The following CCR3 variants were observed in gnomAD, a reference collection of about 807,000 sequenced individuals.
CCR3 encodes C-C motif chemokine receptor 3, also known as C-C chemokine receptor type 3.
For synonymous variants in CCR3, 203 were observed against 179.2 expected (o/e 1.13, Z -1.06); for missense variants, 419 against 437.5 (o/e 0.96, Z 0.38).
intron 2 of CCR3, among the ~76,000 whole-genome samples, chr3:46,224,623 G>A (rs1469018885): frequency 6.6e-6 from 1 of 151,436 alleles, no homozygotes; most frequent in South Asian, 2.1e-4. Context: ...TGTAATCCCA[G>A]CTACTTGGGA....
intron 1 of CCR3, among the ~76,000 whole-genome samples, chr3:46,251,602 C>A (rs1347314014): frequency 2.0e-5 from 3 of 152,084 alleles, no homozygotes; most frequent in Admixed American, 6.5e-5. Flanking sequence ...GTCACGGCAC[C>A]AAATTTCATG....
intron 1 of CCR3, among the ~76,000 whole-genome samples, chr3:46,245,557 C>CT (rs955509639): frequency 8.6e-5 from 13 of 151,286 alleles, no homozygotes; most frequent in African/African-American, 2.2e-4. Flanking sequence ...GATTATTTTC[C>CT]TTTTTTTTAA....
At chr3:46,213,397 AG>A (rs1426440214) in intron 2 of CCR3, among the ~76,000 whole-genome samples, 3 of 152,252 alleles carry the variant, frequency 2.0e-5, no homozygotes, top group Non-Finnish European at 4.4e-5. Flanking sequence ...GCATAACCTC[AG>A]AAGTCACATG....
At position 46,266,261 on chromosome 3, in the gene CCR3, C is replaced by G. The variant is rs773365222; in HGVS notation, c.*35C>G. ...AGAAAATTGCCTAAAGAGGAAGGAC[C>G]AAGGAGATGAAGCAAACACATTAAG... is the stretch of plus-strand genomic sequence containing the variant. On this transcript the variant is annotated 3_prime_UTR_variant, in exon 2 of 2. Coordinates refer to ENST00000395940, the MANE Select transcript of CCR3 (RefSeq NM_178329.3). The G allele has an allele frequency of 4.3e-6, 6 of 1,400,218 alleles. No individual in the cohort carries two copies. In the East Asian group the frequency reaches 9.2e-5, roughly 21 times the overall value. The allele number at this position is 1,400,218 out of a possible 1,614,324, so 86.7% of individuals were successfully genotyped here. A position where few individuals can be genotyped will look rare whatever the true frequency, so the allele number is the denominator to read the frequency against.
At chr3:46,218,140 T>C (rs1699796295) in intron 2 of CCR3, among the ~76,000 whole-genome samples, 1 of 152,084 alleles carries the variant, frequency 6.6e-6, no homozygotes, top group East Asian at 1.9e-4. Context: ...GGAGATACTA[T>C]AAATGATGCC....
chr3:46,214,460 A>T (rs1699751315), intron 2 of CCR3, among the ~76,000 whole-genome samples: 2 of 152,018 alleles, frequency 1.3e-5, no homozygotes, highest in Non-Finnish European at 2.9e-5. Context: ...GCTCTATTGC[A>T]TTATTCCTAT....
chr3:46,213,027 T>A lies in CCR3; in HGVS notation c.-68+2120T>A, dbSNP rs184626232. ...GCTCAAAAAAGAAAAAGAAAAGAAA[T>A]CATTGTTTTCTCACAAATCTAGATA... On this transcript the variant is annotated intron_variant, in intron 2 of 3. Transcript: ENST00000357422. Among the ~76,000 whole-genome samples the A allele has an allele frequency of 4.5e-4, 69 of 152,278 alleles. 1 individual carries two copies. The East Asian group carries it at 0.013, about 28-fold the overall frequency.
intron 2 of CCR3, among the ~76,000 whole-genome samples, chr3:46,219,559 C>A (rs1004896873): frequency 6.6e-6 from 1 of 152,068 alleles, no homozygotes; most frequent in Non-Finnish European, 1.5e-5. Context: ...AATCTGGAGG[C>A]CTCATATTAC....
At chr3:46,245,845 C>A (rs1049942885) in intron 1 of CCR3, among the ~76,000 whole-genome samples, 1 of 152,172 alleles carries the variant, frequency 6.6e-6, no homozygotes, top group Non-Finnish European at 1.5e-5. Flanking sequence ...AGGATAATAG[C>A]TTCTAGCTCC....
chr3:46,240,746 C>A (rs1215375234), upstream of CCR3, among the ~76,000 whole-genome samples: 1 of 152,146 alleles, frequency 6.6e-6, no homozygotes, highest in Admixed American at 6.6e-5. Context: ...TTTATTTGCT[C>A]CTCACACAGA....
At chr3:46,230,216 AG>A (rs1308875789) in intron 2 of CCR3, among the ~76,000 whole-genome samples, 1 of 152,200 alleles carries the variant, frequency 6.6e-6, no homozygotes, top group African/African-American at 2.4e-5. Flanking sequence ...TTCTATAAGG[AG>A]GACTCATTCT....
chr3:46,221,492 C>G (rs912383997), intron 2 of CCR3, among the ~76,000 whole-genome samples: 1 of 152,174 alleles, frequency 6.6e-6, no homozygotes, highest in Admixed American at 6.5e-5. Flanking sequence ...CCTCACATGC[C>G]CCCCGCAGCC....
chr3:46,218,704 A>G (rs35195804), intron 2 of CCR3, among the ~76,000 whole-genome samples: 25,008 of 152,110 alleles, frequency 0.16, 2,975 homozygotes, highest in African/African-American at 0.33. Context: ...GATATACCAC[A>G]TAAACAGAAG....
At chr3:46,257,202 C>T (rs536002134) in intron 1 of CCR3, among the ~76,000 whole-genome samples, 6 of 152,164 alleles carry the variant, frequency 3.9e-5, no homozygotes, top group Admixed American at 2.6e-4. Flanking sequence ...GTATTTTTTC[C>T]GTGTGTTTTC....
intron 2 of CCR3, among the ~76,000 whole-genome samples, chr3:46,213,741 C>T (rs79076685): frequency 1.3e-5 from 2 of 152,198 alleles, no homozygotes; most frequent in East Asian, 3.9e-4. Context: ...CCTCTGACCA[C>T]CACCTCCTAC....
At chr3:46,263,519 C>G (rs973229871) in intron 1 of CCR3, 10 of 153,574 alleles carry the variant, frequency 6.5e-5, no homozygotes, top group African/African-American at 2.4e-4. Context: ...GGGAGATGTA[C>G]CTGGACAGAC....
intron 2 of CCR3, among the ~76,000 whole-genome samples, chr3:46,215,148 G>A (rs985936917): frequency 5.3e-5 from 8 of 152,178 alleles, no homozygotes; most frequent in African/African-American, 1.9e-4. Flanking sequence ...ACAGTCACAT[G>A]TGTGTTCCTG....
chr3:46,247,473 T>C (rs1440637168), intron 1 of CCR3, among the ~76,000 whole-genome samples: 5 of 152,156 alleles, frequency 3.3e-5, no homozygotes, highest in Non-Finnish European at 7.4e-5. Context: ...TTTAAGTTGG[T>C]GGCTGAGCTT....
At chr3:46,232,788 C>T (rs1438011636) in intron 2 of CCR3, among the ~76,000 whole-genome samples, 5 of 152,232 alleles carry the variant, frequency 3.3e-5, no homozygotes, top group Non-Finnish European at 7.3e-5. Context: ...TCCACGTTCT[C>T]ACTCCTGTCT....
Sources: gnomAD v4.1 joint callset for allele counts (sites outside exome capture counted in the v4.1 genomes callset) on GRCh38, gnomAD v4.1.1 for gene constraint, MANE v1.5 for transcripts, NCBI Gene and HGNC (gene_info 2026-07-23, HGNC 2026-07-21) for gene names.